The following EPN2 variants were observed in gnomAD, a reference collection of about 807,000 sequenced individuals.
EPN2 encodes epsin 2.
EPN2 carries 34 observed loss-of-function variants against 61.7 expected under a neutral mutation model. The observed-to-expected ratio is 0.55, with a 90% confidence interval of 0.42 to 0.73. The LOEUF is 0.73. EPN2 is among the 30% of genes least tolerant of loss of function. The pLI, the probability that EPN2 is intolerant of heterozygous loss-of-function variation, is 0.00. For synonymous variants in EPN2, 349 were observed against 353.6 expected (o/e 0.99, Z 0.15); for missense variants, 714 against 839.2 (o/e 0.85, Z 1.84).
At chr17:19,243,220 CTT>C (rs71155386) in intron 1 of EPN2, among the ~76,000 whole-genome samples, 1 of 127,106 alleles carries the variant, frequency 7.9e-6, no homozygotes, top group African/African-American at 3.1e-5. Flanking sequence ...GAGAATGTGT[CTT>C]TTTTTTTTTT....
At chr17:19,294,691 C>G (rs924943754) in intron 4 of EPN2, among the ~76,000 whole-genome samples, 2 of 152,088 alleles carry the variant, frequency 1.3e-5, no homozygotes, top group Non-Finnish European at 2.9e-5. Context: ...TCTTTTTTCC[C>G]TAAATCACTA....
At chr17:19,282,537 T>A (rs1284127964) in intron 2 of EPN2, 1 of 152,230 alleles carries the variant, frequency 6.6e-6, no homozygotes, top group African/African-American at 2.4e-5. Flanking sequence ...CAAGTAATCC[T>A]CCCATTTCAG....
At chr17:19,250,547 C>T (rs2045003859) in intron 1 of EPN2, among the ~76,000 whole-genome samples, 1 of 152,158 alleles carries the variant, frequency 6.6e-6, no homozygotes, top group Admixed American at 6.5e-5. Context: ...TCTTACATAG[C>T]CTCCTAGTCT....
chr17:19,280,920 C>T (rs1380648863), intron 1 of EPN2, among the ~76,000 whole-genome samples: 1 of 152,248 alleles, frequency 6.6e-6, no homozygotes, highest in East Asian at 1.9e-4. Context: ...GAGACCCCTT[C>T]TTTGGGTTCA....
intron 1 of EPN2, among the ~76,000 whole-genome samples, chr17:19,260,757 C>G (rs1157709357): frequency 1.3e-5 from 2 of 152,090 alleles, no homozygotes; most frequent in Non-Finnish European, 1.5e-5. Context: ...TCCCTCCTCC[C>G]TGGTAACCAC....
Position 19,285,668 on chromosome 17 carries a change from G to C in EPN2, c.644G>C (p.Gly215Ala), listed in dbSNP as rs1457508672. 6.3e-7 allele frequency: 1 copy of C among 1,575,802 alleles called. No individual in the cohort carries two copies. Among genetic ancestry groups the C allele is most frequent in the Non-Finnish European group, 8.6e-7 (1 of 1,161,702 alleles). Residue 215 changes from glycine (G) to alanine (A), a missense_variant, in exon 4 of 11, where the codon GGT becomes GCT. By Grantham distance (60) the Gly-to-Ala change is moderately conservative. Transcript: ENST00000314728. The surrounding 1 kb of genome is among the most constrained non-coding windows in gnomAD (Gnocchi z 4.5). ...CAGCACCGCACAGGGGCCCCGCTGG[G>C]TCAGAGTGAGGAGCTGCAGCCACTG... The part of the protein sequence containing the change: ...CPQHRTGAPL[G>A]QSEELQPLSQ...
Position 19,335,185 on chromosome 17 carries a change from C to A in EPN2, c.*931C>A, listed in dbSNP as rs1049228476. On this transcript the variant is annotated 3_prime_UTR_variant, in exon 11 of 11. Transcript: ENST00000314728. ...TGATGATGTTTATTTAAAAAAAAAA[C>A]AACAGCAACAAAAAATCCTAGCCTC... 6 of 369,252 alleles carry A rather than the reference C, an allele frequency of 1.6e-5. No homozygotes were observed. The highest frequency in any genetic ancestry group is 4.0e-5 in the East Asian group (1 of 24,988). The allele number at this position is 369,252 out of a possible 1,614,324, so 22.9% of individuals were successfully genotyped here. A position where few individuals can be genotyped will look rare whatever the true frequency, so the allele number is the denominator to read the frequency against.
chr17:19,335,219 TTTTCC>T lies in EPN2; in HGVS notation c.*970_*974del, dbSNP rs1277372276. ...CAAAAAATCCTAGCCTCCAGTTGCC[TTTTCC>T]TTTCTTTAGCTCCTGTTTTTGGTGA... On this transcript the variant is annotated 3_prime_UTR_variant, in exon 11 of 11. Coordinates refer to ENST00000314728, the MANE Select transcript of EPN2 (RefSeq NM_014964.5). 7 of 465,564 alleles carry T rather than the reference TTTTCC, an allele frequency of 1.5e-5. No homozygotes were observed. In the South Asian group the frequency reaches 2.1e-4, roughly 14 times the overall value. 28.8% of individuals were successfully genotyped at this position (465,564 alleles called of 1,614,324 possible).
chr17:19,334,216 G>A lies in EPN2; in HGVS notation c.1888G>A (p.Ala630Thr). The change falls in exon 11 of 11, where the codon GCC becomes ACC. Residue 630 changes from alanine to threonine, a missense_variant. Physicochemically the swap from Ala to Thr is moderately conservative, Grantham distance 58. Coordinates refer to ENST00000314728, the MANE Select transcript of EPN2 (RefSeq NM_014964.5). The surrounding 1 kb of genome is among the most constrained non-coding windows in gnomAD (Gnocchi z 4.9). The stretch of plus-strand genomic sequence containing the variant: ...CAGTGTGGGTATACCCCCATCAGCA[G>A]CCCAGGCCACTGGCACAACCAACCC... ...VGSVGIPPSAAQATGTTNPFL... is the reference protein window; with the variant it reads ...VGSVGIPPSATQATGTTNPFL... 6.6e-7 allele frequency: 1 copy of A among 1,510,928 alleles called. No individual in the cohort carries two copies. Among genetic ancestry groups the A allele is most frequent in the Non-Finnish European group, 8.9e-7 (1 of 1,119,030 alleles). The allele number at this position is 1,510,928 out of a possible 1,614,324, so 93.6% of individuals were successfully genotyped here. A position where few individuals can be genotyped will look rare whatever the true frequency, so the allele number is the denominator to read the frequency against.
chr17:19,307,813 C>T, intron 4 of EPN2: 1 of 728,312 alleles, frequency 1.4e-6, no homozygotes. Context: ...CCTGGTTCTT[C>T]TGTGGATCCC....
chr17:19,276,360 A>ATTTTTTT (rs140536354), intron 1 of EPN2: 25 of 79,970 alleles, frequency 3.1e-4, no homozygotes, highest in Non-Finnish European at 4.4e-4. Context: ...GCTAATTAAA[A>ATTTTTTT]TTTTTTTTTT....
At chr17:19,310,525 TTCTTTTCTTTTC>T (rs1022843155) in intron 5 of EPN2, among the ~76,000 whole-genome samples, 148 of 152,046 alleles carry the variant, frequency 9.7e-4, no homozygotes, top group African/African-American at 3.3e-3. Context: ...GTTCCCATTT[TTCTTTTCTTTTC>T]TCTTTTCTTT....
chr17:19,325,097 T>C (rs1906809281), intron 7 of EPN2, among the ~76,000 whole-genome samples: 2 of 152,222 alleles, frequency 1.3e-5, no homozygotes, highest in African/African-American at 4.8e-5. Context: ...TCATGGAAGG[T>C]ATGGAATCGG....
At chr17:19,307,107 T>C (rs1905881437) in intron 4 of EPN2, among the ~76,000 whole-genome samples, 1 of 152,102 alleles carries the variant, frequency 6.6e-6, no homozygotes, top group Admixed American at 6.5e-5. Context: ...AGGTGAAGTT[T>C]AGGAACAAAA....
intron 4 of EPN2, chr17:19,308,470 T>C (rs1905961446): frequency 1.0e-6 from 1 of 985,262 alleles, no homozygotes; most frequent in African/African-American, 1.7e-5. Context: ...TGCATGCATG[T>C]AAGCCTCCAC....
At chr17:19,301,742 C>T (rs1194123867) in intron 4 of EPN2, among the ~76,000 whole-genome samples, 2 of 152,214 alleles carry the variant, frequency 1.3e-5, no homozygotes, top group Non-Finnish European at 2.9e-5. Flanking sequence ...TCTGTGCCAT[C>T]GCCTCCTGTC....
intron 5 of EPN2, among the ~76,000 whole-genome samples, chr17:19,310,571 C>CTTTTTT (rs71155391): frequency 0.018 from 1,475 of 80,910 alleles, 31 homozygotes; most frequent in East Asian, 0.034. Flanking sequence ...CTCCTTCTTT[C>CTTTTTT]TTTTTTTTTT....
intron 4 of EPN2, among the ~76,000 whole-genome samples, chr17:19,289,721 A>G (rs1025856068): frequency 8.6e-5 from 3 of 35,062 alleles, no homozygotes; most frequent in African/African-American, 1.4e-4. Flanking sequence ...CCTGGCGCTC[A>G]TGGTTTTTTT....
intron 1 of EPN2, 100 bp downstream of exon 1, chr17:19,237,631 C>G (rs2044828911): frequency 6.6e-6 from 1 of 152,236 alleles, no homozygotes; most frequent in Non-Finnish European, 1.5e-5. Context: ...ACAGGCTCCC[C>G]TACCTCACCA....
Sources: gnomAD v4.1 joint callset for allele counts (sites outside exome capture counted in the v4.1 genomes callset) on GRCh38, gnomAD v4.1.1 for gene constraint, Gnocchi (gnomAD v3.1) non-coding constraint, MANE v1.5 for transcripts, NCBI Gene and HGNC (gene_info 2026-07-23, HGNC 2026-07-21) for gene names.